Variants in CFAP410 observed in about 807,000 individuals in gnomAD.
The protein encoded by CFAP410 is cilia and flagella associated protein 410.
A neutral mutation model predicts 25.7 loss-of-function variants in CFAP410; 27 were observed. The observed-to-expected ratio is 1.05, with a 90% CI of 0.77 to 1.45. The LOEUF is 1.45. Ranked by LOEUF, CFAP410 falls within the 40% of genes most tolerant of loss-of-function variation. The pLI, the probability that CFAP410 is intolerant of heterozygous loss-of-function variation, is 0.00. For synonymous variants in CFAP410, 178 were observed against 158.4 expected (o/e 1.12, Z -0.93); for missense variants, 428 against 354.1 (o/e 1.21, Z -1.67).
rs367740530 is a variant in CFAP410 at position 44,339,186 on chromosome 21, C to T, written c.9G>A (p.Leu3=). The T allele has an allele frequency of 4.8e-5, 70 of 1,466,750 alleles. No homozygotes were observed. The African/African-American group carries it at 5.4e-4, about 11-fold the overall frequency. The allele number at this position is 1,466,750 out of a possible 1,614,324, so 90.9% of individuals were successfully genotyped here. ...CCCGGGTCAGAACCATCTTCCGCGTCAGCTTCATGGCGGCCGCCCAGGCCC... is the reference window on the plus strand; with the variant it reads ...CCCGGGTCAGAACCATCTTCCGCGTTAGCTTCATGGCGGCCGCCCAGGCCC... The part of the protein sequence containing the change: MK[L]TRKMVLTRAK... The change falls in exon 1 of 7, where the codon CTG becomes CTA. Residue 3 remains leucine (L), a synonymous_variant. Coordinates refer to ENST00000339818, the MANE Select transcript of CFAP410 (RefSeq NM_004928.3).
Position 44,337,807 on chromosome 21 carries a change from T to C in CFAP410, c.78-140A>G, listed in dbSNP as rs148425324. The C allele has an allele frequency of 2.4e-4, 166 of 684,824 alleles. 1 individual carries two copies. In the East Asian group the frequency reaches 4.1e-3, roughly 17 times the overall value. The allele number at this position is 684,824 out of a possible 1,614,324, so 42.4% of individuals were successfully genotyped here. Reference sequence around the variant, plus strand: ...TTAATGGCATGGCAAAAAAGGAAGGTTGCCCAGATAACTGGCAAAGGTGTA... The same window carrying C: ...TTAATGGCATGGCAAAAAAGGAAGGCTGCCCAGATAACTGGCAAAGGTGTA... On this transcript the variant is annotated intron_variant, in intron 1 of 6. Coordinates refer to ENST00000339818, the MANE Select transcript of CFAP410 (RefSeq NM_004928.3).
rs1036416008 is a variant in CFAP410 at position 44,335,650 on chromosome 21, G to A, written c.143+108C>T. 4.6e-6 allele frequency: 4 copies of A among 868,956 alleles called. No homozygotes were observed. The African/African-American group carries it at 5.0e-5, about 11-fold the overall frequency. 53.8% of individuals were successfully genotyped at this position (868,956 alleles called of 1,614,324 possible). On this transcript the variant is annotated intron_variant, in intron 3 of 6. Transcript: ENST00000339818. ...CTTCTGGAAGCCGCCCTCAGTCTGT[G>A]TTGGAGGTTTCCAGGTTATGTCACA... is the stretch of plus-strand genomic sequence containing the variant.
intron 3 of CFAP410, chr21:44,333,506 C>G (rs2047691457): frequency 1.7e-6 from 1 of 579,788 alleles, no homozygotes; most frequent in Non-Finnish European, 3.1e-6. Flanking sequence ...CCCCTTGGCC[C>G]GACGCTCCAC....
chr21:44,330,357 C>T (rs777176712), intron 6 of CFAP410, 31 bp from the exon 7 acceptor site: 2 of 1,597,028 alleles, frequency 1.3e-6, no homozygotes, highest in Non-Finnish European at 1.7e-6. Flanking sequence ...ACTAAGCCCA[C>T]CCGGCACGGC....
At position 44,333,281 on chromosome 21, in the gene CFAP410, A is replaced by C. The variant is rs1264160889; in HGVS notation, c.144-19T>G. ...GTTGACACTGCACGGAGACCAGCAC[A>C]GTCAGCGAGGGACGTGGCCAGGGCC... is the stretch of plus-strand genomic sequence containing the variant. On this transcript the variant is annotated intron_variant, in intron 3 of 6. Coordinates refer to ENST00000339818, the MANE Select transcript of CFAP410 (RefSeq NM_004928.3). 2 of 1,593,082 alleles carry C rather than the reference A, an allele frequency of 1.3e-6. No homozygotes were observed. The highest frequency in any genetic ancestry group is 1.7e-6 in the Non-Finnish European group (2 of 1,167,920).
intron 6 of CFAP410, 124 bp downstream of exon 6, chr21:44,330,699 C>A (rs1319260548): frequency 6.5e-7 from 1 of 1,549,324 alleles, no homozygotes. Flanking sequence ...TCTTCAAGGC[C>A]CTGTGAGGCT....
chr21:44,333,786 G>A, intron 3 of CFAP410: 1 of 332,194 alleles, frequency 3.0e-6, no homozygotes, highest in South Asian at 2.3e-5. Context: ...GAAACAGCAG[G>A]CCTGGAGCGG....
rs534417058 is a variant in CFAP410, at chr21:44,334,169, C to T, written c.144-907G>A. ...TCCGCGGCCTCGAGGCTTCCTGCTC[C>T]GCTCCAGTGCAGTCAGGCGTGCAGG... On this transcript the variant is annotated intron_variant, in intron 3 of 6. Coordinates refer to ENST00000339818, the MANE Select transcript of CFAP410 (RefSeq NM_004928.3). The T allele has an allele frequency of 2.3e-4, 105 of 456,354 alleles. 1 individual carries two copies. The highest frequency in any genetic ancestry group is 1.5e-3 in the South Asian group (99 of 64,576). 28.3% of individuals were successfully genotyped at this position (456,354 alleles called of 1,614,324 possible).
intron 4 of CFAP410, 78 bp from the exon 5 acceptor site, chr21:44,332,092 A>T: frequency 7.9e-7 from 1 of 1,269,010 alleles, no homozygotes; most frequent in South Asian, 1.5e-5. Flanking sequence ...TCCCGTCCTC[A>T]CTGTGGCTTC....
In CFAP410 at chr21:44,333,420, T is replaced by C. The variant is rs77970521; in HGVS notation, c.144-158A>G. ...GTCACAAGTCACGTGCAGCAGGACC[T>C]GGGCCGAGGAGAGAGCTGTAGGAAG... On this transcript the variant is annotated intron_variant, in intron 3 of 6. Coordinates refer to ENST00000339818, the MANE Select transcript of CFAP410 (RefSeq NM_004928.3). The C allele has an allele frequency of 5.5e-3, 3,527 of 638,656 alleles. 100 individuals carry two copies. The African/African-American group carries it at 0.056, about 10-fold the overall frequency. 39.6% of individuals were successfully genotyped at this position (638,656 alleles called of 1,614,324 possible).
intron 3 of CFAP410, 146 bp downstream of exon 3, chr21:44,335,612 C>A: frequency 1.5e-6 from 1 of 668,108 alleles, no homozygotes; most frequent in East Asian, 2.7e-5. Flanking sequence ...CTCTCGCTGT[C>A]CCGGCCCCTC....
chr21:44,337,083 TAAAA>T (rs35988245), intron 2 of CFAP410, among the ~76,000 whole-genome samples: 5 of 121,852 alleles, frequency 4.1e-5, no homozygotes, highest in Non-Finnish European at 1.8e-5. Context: ...AGACTCCGTG[TAAAA>T]AAAAAAAAAA....
At chr21:44,333,744 C>T (rs1475619999) in intron 3 of CFAP410, 1 of 299,048 alleles carries the variant, frequency 3.3e-6, no homozygotes, top group African/African-American at 2.2e-5. Context: ...GCCTCATTTC[C>T]ATTCTACAGA....
chr21:44,332,691 C>A (rs892784048), intron 4 of CFAP410: 5 of 316,402 alleles, frequency 1.6e-5, no homozygotes, highest in African/African-American at 1.0e-4. Flanking sequence ...GATACTGACG[C>A]CCCCGCTCGC....
rs1176141287 is a variant in CFAP410, at chr21:44,329,421, C to T, written c.*777G>A. ...GGCACTAGGAAGGTCCCCAGGGCCA[C>T]GGGTCACTGCCCAGATTGTGGCATC... is the stretch of plus-strand genomic sequence containing the variant. On this transcript the variant is annotated 3_prime_UTR_variant, in exon 7 of 7. Transcript: ENST00000339818. 1.3e-5 allele frequency: 2 copies of T among 152,300 alleles called. No individual in the cohort carries two copies. Among genetic ancestry groups the T allele is most frequent in the South Asian group, 2.1e-4 (1 of 4,822 alleles). The allele number at this position is 152,300 out of a possible 1,614,324, so 9.4% of individuals were successfully genotyped here.
chr21:44,330,769 G>A (rs2047631596), intron 6 of CFAP410, 54 bp downstream of exon 6: 2 of 1,551,852 alleles, frequency 1.3e-6, no homozygotes, highest in Non-Finnish European at 1.7e-6. Context: ...CGGTTTCTGT[G>A]CAGTGGGTGC....
At position 44,330,210 on chromosome 21, in the gene CFAP410, C is replaced by T; in HGVS notation, c.759G>A (p.Glu253=). 6.4e-7 allele frequency: 1 copy of T among 1,572,362 alleles called. No homozygotes were observed. ...TCAGGTCCTGCGGTCACTCGGCGTG[C>T]TCCTGCACCTCTTCCCCACGCAGGG... The part of the protein sequence containing the change: ...LQALRGEEVQ[E]HAE The change falls in exon 7 of 7, where the codon GAG becomes GAA. Residue 253 remains glutamate, a synonymous_variant. Coordinates refer to ENST00000339818, the MANE Select transcript of CFAP410 (RefSeq NM_004928.3).
At chr21:44,338,033 G>C (rs1250123699) in intron 1 of CFAP410, among the ~76,000 whole-genome samples, 1 of 152,204 alleles carries the variant, frequency 6.6e-6, no homozygotes, top group East Asian at 1.9e-4. Context: ...CAAGTTCAAA[G>C]GGTGAACAGG....
chr21:44,333,241 C>A lies in CFAP410; in HGVS notation c.165G>T (p.Leu55=). The change falls in exon 4 of 7, where the codon CTG becomes CTT. Residue 55 remains leucine, a synonymous_variant. Transcript: ENST00000339818. ...ITLSVNSIST[L]EPVSRCQRLS... is the part of the protein sequence containing the mutation. ...GGCGCTGGCACCGGCTCACAGGCTC[C>A]AGGGTGGAGATGCTGTTGACACTGC... The A allele has an allele frequency of 6.2e-7, 1 of 1,612,192 alleles. No individual in the cohort carries two copies. The highest frequency in any genetic ancestry group is 1.7e-5 in the Admixed American group (1 of 59,958).
Sources: gnomAD v4.1 joint callset for allele counts (sites outside exome capture counted in the v4.1 genomes callset) on GRCh38, gnomAD v4.1.1 for gene constraint, MANE v1.5 for transcripts, NCBI Gene and HGNC (gene_info 2026-07-23, HGNC 2026-07-21) for gene names.